Variants in ANKS1B observed in about 807,000 individuals in gnomAD.
ANKS1B encodes ankyrin repeat and sterile alpha motif domain-containing protein 1B.
Under a neutral mutation model 148.3 loss-of-function variants are expected in ANKS1B, and 36 were observed. The ratio of observed to expected loss-of-function variants is 0.24; its 90% CI spans 0.19 to 0.32. The LOEUF (loss-of-function observed/expected upper bound fraction) is 0.32. Ranked by LOEUF, ANKS1B falls within the 10% of genes least tolerant of loss-of-function variation. The probability of loss-of-function intolerance (pLI) is 1.00; values close to 1 mark genes in which losing one functional copy is unlikely to be tolerated. For missense variants in ANKS1B, 1,157 were observed against 1,542.6 expected (o/e 0.75, Z 4.19); for synonymous variants, 542 against 560.8 (o/e 0.97, Z 0.47).
At chr12:99,154,253 C>T (rs1000191724) in intron 15 of ANKS1B, 36 bp downstream of exon 15, 1 of 1,610,618 alleles carries the variant, frequency 6.2e-7, no homozygotes, top group Non-Finnish European at 8.5e-7. Flanking sequence ...CAAAGACAGA[C>T]AAAAGGCAGC....
At chr12:99,514,093 T>C (rs1432380425) in intron 9 of ANKS1B, among the ~76,000 whole-genome samples, 5 of 152,004 alleles carry the variant, frequency 3.3e-5, no homozygotes, top group African/African-American at 4.8e-5. Context: ...AGAAACAAAG[T>C]TCCTTGAGTA....
intron 8 of ANKS1B, among the ~76,000 whole-genome samples, chr12:99,711,231 C>T (rs960136778): frequency 6.6e-6 from 1 of 152,054 alleles, no homozygotes; most frequent in Non-Finnish European, 1.5e-5. Context: ...CTGGAATGCA[C>T]CATGCTAATG....
chr12:98,887,133 A>C (rs2152572882), intron 17 of ANKS1B, among the ~76,000 whole-genome samples: 1 of 152,358 alleles, frequency 6.6e-6, no homozygotes, highest in South Asian at 2.1e-4. Flanking sequence ...TATTATAAAC[A>C]CAGGCAATAT....
chr12:99,761,972 G>C (rs1333945428), intron 8 of ANKS1B, among the ~76,000 whole-genome samples: 5 of 151,766 alleles, frequency 3.3e-5, no homozygotes, highest in Non-Finnish European at 7.4e-5. Flanking sequence ...GAAATACCAA[G>C]GAATACAGCT....
At chr12:99,587,009 T>C (rs2097649271) in intron 9 of ANKS1B, among the ~76,000 whole-genome samples, 1 of 152,136 alleles carries the variant, frequency 6.6e-6, no homozygotes, top group East Asian at 1.9e-4. Flanking sequence ...TATATATATT[T>C]GCTACTAAGA....
chr12:99,069,401 T>G (rs2045579223), intron 16 of ANKS1B, among the ~76,000 whole-genome samples: 1 of 152,208 alleles, frequency 6.6e-6, no homozygotes, highest in Non-Finnish European at 1.5e-5. Context: ...AATTTCACAT[T>G]CAAAACTTTC....
At chr12:99,153,549 T>C (rs994655096) in intron 15 of ANKS1B, among the ~76,000 whole-genome samples, 1 of 152,116 alleles carries the variant, frequency 6.6e-6, no homozygotes, top group African/African-American at 2.4e-5. Flanking sequence ...CCATCCTCCT[T>C]CCTCACCTAT....
chr12:99,385,266 C>T (rs948946215), intron 12 of ANKS1B, among the ~76,000 whole-genome samples: 4 of 152,172 alleles, frequency 2.6e-5, no homozygotes, highest in Admixed American at 6.5e-5. Context: ...GTCAGGAGTT[C>T]GAGACCAGCC....
intron 12 of ANKS1B, among the ~76,000 whole-genome samples, chr12:99,304,164 C>T (rs1318573979): frequency 6.6e-6 from 1 of 152,070 alleles, no homozygotes; most frequent in African/African-American, 2.4e-5. Flanking sequence ...GGTCGTTCTA[C>T]TTTTAGTTCT....
At chr12:99,972,970 C>T (rs1021470783) in intron 1 of ANKS1B, among the ~76,000 whole-genome samples, 7 of 152,142 alleles carry the variant, frequency 4.6e-5, no homozygotes, top group African/African-American at 1.4e-4. Flanking sequence ...CTGCAAGTGG[C>T]ACAACAAAGC....
At chr12:99,195,751 TGAAGA>T (rs2081310323) in intron 14 of ANKS1B, among the ~76,000 whole-genome samples, 1 of 151,920 alleles carries the variant, frequency 6.6e-6, no homozygotes, top group Admixed American at 6.6e-5. Context: ...GCTCCTTCAG[TGAAGA>T]GAAAAGGAAA....
At chr12:98,892,196 A>T (rs912359356) in intron 17 of ANKS1B, among the ~76,000 whole-genome samples, 7 of 152,216 alleles carry the variant, frequency 4.6e-5, no homozygotes, top group African/African-American at 1.7e-4. Context: ...TGCCAATGCT[A>T]TAAACACTGT....
At chr12:98,982,449 C>T (rs2099912676) in intron 17 of ANKS1B, among the ~76,000 whole-genome samples, 1 of 152,208 alleles carries the variant, frequency 6.6e-6, no homozygotes, top group East Asian at 1.9e-4. Context: ...TCTCTAATGT[C>T]TTCTGGGTAC....
chr12:99,049,200 G>A (rs1364478812), intron 17 of ANKS1B: 1 of 152,056 alleles, frequency 6.6e-6, no homozygotes, highest in Non-Finnish European at 1.5e-5. Context: ...AATGGAATTA[G>A]AATATTCATC....
chr12:99,289,765 A>G (rs1219102153), intron 12 of ANKS1B, among the ~76,000 whole-genome samples: 1 of 152,004 alleles, frequency 6.6e-6, no homozygotes, highest in Non-Finnish European at 1.5e-5. Context: ...GGGTTATAGT[A>G]AAAGCAGTAC....
At chr12:98,960,019 G>C (rs1478699460) in intron 17 of ANKS1B, among the ~76,000 whole-genome samples, 1 of 152,206 alleles carries the variant, frequency 6.6e-6, no homozygotes, top group African/African-American at 2.4e-5. Context: ...CTGGCTCCTG[G>C]ATGGCACCTC....
At chr12:99,141,708 C>T (rs552761378) in intron 15 of ANKS1B, among the ~76,000 whole-genome samples, 1 of 152,076 alleles carries the variant, frequency 6.6e-6, no homozygotes, top group East Asian at 1.9e-4. Flanking sequence ...TGTTAGTTTG[C>T]TGAGGATAAT....
intron 9 of ANKS1B, among the ~76,000 whole-genome samples, chr12:99,522,999 A>G (rs2096890350): frequency 6.6e-6 from 1 of 152,328 alleles, no homozygotes; most frequent in Middle Eastern, 3.4e-3. Context: ...AGGTAGACAC[A>G]GTAGTTGCCC....
At chr12:99,880,987 G>A (rs1182396525) in intron 1 of ANKS1B, among the ~76,000 whole-genome samples, 1 of 152,198 alleles carries the variant, frequency 6.6e-6, no homozygotes, top group Admixed American at 6.5e-5. Context: ...AACCTGGACA[G>A]AATGCACTGA....
Sources: allele counts gnomAD v4.1 joint callset (sites outside exome capture counted in the v4.1 genomes callset), GRCh38; gene constraint gnomAD v4.1.1; transcripts MANE v1.5; gene names NCBI Gene and HGNC (gene_info 2026-07-23, HGNC 2026-07-21).